The following TULP2 variants were observed in gnomAD, a reference collection of about 807,000 sequenced individuals.
TULP2 encodes the protein TUB like protein 2.
Under a neutral mutation model 60.3 loss-of-function variants are expected in TULP2, and 64 were observed. The observed-to-expected ratio is 1.06, with a 90% CI of 0.87 to 1.31. The LOEUF (loss-of-function observed/expected upper bound fraction) is 1.31, where lower values mean the gene tolerates loss of function less well. TULP2 is among the 50% of genes most tolerant of loss of function. TULP2 has a pLI of 0.00. For missense variants in TULP2, 652 were observed against 667.0 expected (o/e 0.98, Z 0.25); for synonymous variants, 267 against 265.4 (o/e 1.01, Z -0.06).
intron 6 of TULP2, 32 bp downstream of exon 6, chr19:48,894,966 C>A: frequency 1.3e-6 from 2 of 1,591,610 alleles, no homozygotes; most frequent in Non-Finnish European, 1.7e-6. Context: ...ACCAGGAGAT[C>A]CCAGGTTTCA....
intron 8 of TULP2, among the ~76,000 whole-genome samples, chr19:48,885,839 C>G (rs1297416696): frequency 6.6e-6 from 1 of 151,936 alleles, no homozygotes; most frequent in Non-Finnish European, 1.5e-5. Context: ...GAGCTGAGAT[C>G]GCACCACTGC....
chr19:48,894,484 T>C (rs1333914668), intron 6 of TULP2, among the ~76,000 whole-genome samples: 1 of 151,852 alleles, frequency 6.6e-6, no homozygotes, highest in Non-Finnish European at 1.5e-5. Flanking sequence ...TTACTAAAAA[T>C]ACAAAAATTA....
At chr19:48,883,630 C>T in intron 11 of TULP2, 124 bp downstream of exon 11, 2 of 980,638 alleles carry the variant, frequency 2.0e-6, no homozygotes, top group Non-Finnish European at 3.1e-6. Context: ...CTTCAGGCTT[C>T]ATGTGACACC....
intron 6 of TULP2, among the ~76,000 whole-genome samples, chr19:48,894,404 AG>A (rs1218620258): frequency 6.6e-6 from 1 of 152,008 alleles, no homozygotes; most frequent in African/African-American, 2.4e-5. Flanking sequence ...GCACTTTGGG[AG>A]GCTGAGGTGG....
chr19:48,888,286 T>A, intron 7 of TULP2, 25 bp from the exon 8 acceptor site: 1 of 1,560,076 alleles, frequency 6.4e-7, no homozygotes, highest in Non-Finnish European at 8.7e-7. Flanking sequence ...AAATTTAAAG[T>A]CGAGGGACAA....
intron 7 of TULP2, among the ~76,000 whole-genome samples, chr19:48,889,214 G>C (rs1600000638): frequency 6.6e-6 from 1 of 151,866 alleles, no homozygotes; most frequent in African/African-American, 2.4e-5. Flanking sequence ...GACCTCAAGT[G>C]ATCTGCCCAC....
chr19:48,895,863 G>A (rs957566711), intron 4 of TULP2, among the ~76,000 whole-genome samples: 8 of 152,040 alleles, frequency 5.3e-5, no homozygotes, highest in African/African-American at 1.7e-4. Flanking sequence ...TTGGCAACAA[G>A]AGCTAAACTC....
intron 7 of TULP2, 41 bp from the exon 8 acceptor site, chr19:48,888,302 G>T: frequency 6.5e-7 from 1 of 1,544,052 alleles, no homozygotes. Flanking sequence ...GACAACCACC[G>T]GCCCAGCCTT....
At chr19:48,881,973 C>T (rs1459854304) in intron 12 of TULP2, 59 bp downstream of exon 12, 10 of 1,609,628 alleles carry the variant, frequency 6.2e-6, no homozygotes, top group Middle Eastern at 3.3e-4. Context: ...AGTTCCCTTC[C>T]GTTCACACCC....
chr19:48,885,713 G>A (rs1231835440), intron 8 of TULP2, among the ~76,000 whole-genome samples, 153 bp from the exon 9 acceptor site: 2 of 151,518 alleles, frequency 1.3e-5, no homozygotes, highest in Non-Finnish European at 2.9e-5. Flanking sequence ...GTGAAACCCC[G>A]TCTCTACTAA....
chr19:48,894,889 T>C, intron 6 of TULP2, 109 bp downstream of exon 6: 1 of 1,383,694 alleles, frequency 7.2e-7, no homozygotes, highest in Non-Finnish European at 9.7e-7. Flanking sequence ...AATGGGTGAC[T>C]TGTATGGTTT....
rs781763330 is a variant in TULP2 at position 48,883,703 on chromosome 19, GC to G, written c.1275+50del. On this transcript the variant is annotated intron_variant, in intron 11 of 12. Coordinates refer to ENST00000221399, the MANE Select transcript of TULP2 (RefSeq NM_003323.3). ...CCTCCTCTGGGATCTAGGAGGACCGGCCCCAGCCCCTTCTCCATTGACCCAG... is the reference window on the plus strand; with the variant it reads ...CCTCCTCTGGGATCTAGGAGGACCGGCCCAGCCCCTTCTCCATTGACCCAG... 5.0e-6 allele frequency: 8 copies of G among 1,599,574 alleles called. No individual in the cohort carries two copies. In the Middle Eastern group the frequency reaches 7.6e-4, roughly 151 times the overall value.
At chr19:48,894,375 G>T (rs28877052) in intron 6 of TULP2, among the ~76,000 whole-genome samples, 31,104 of 151,868 alleles carry the variant, frequency 0.2, 4,336 homozygotes, top group African/African-American at 0.4. Context: ...AGGCATGATG[G>T]TTTATGCCTG....
At chr19:48,882,336 TG>T (rs368156597) in intron 11 of TULP2, 133 bp from the exon 12 acceptor site, 9 of 946,056 alleles carry the variant, frequency 9.5e-6, no homozygotes, top group African/African-American at 5.0e-5. Context: ...TGAGACCTGC[TG>T]GGCTGCGTTC....
At chr19:48,890,045 C>T (rs1410788828) in intron 6 of TULP2, among the ~76,000 whole-genome samples, 219 of 127,210 alleles carry the variant, frequency 1.7e-3, no homozygotes, top group East Asian at 6.6e-3. Flanking sequence ...TCCCCCAGCC[C>T]GACACCCGTA....
In TULP2 at chr19:48,884,029, G is replaced by A. The variant is rs147489964; in HGVS notation, c.1079C>T (p.Thr360Ile). The stretch of plus-strand genomic sequence containing the variant: ...CCCATTGTCAAAGATGGTGAACTTG[G>A]TGCTGAAGACATTGGATCTGCTCCA... ...VGKVRSNVFS[T>I]KFTIFDNGVN... The change falls in exon 10 of 13, where the codon ACC becomes ATC. Residue 360 changes from threonine (T) to isoleucine (I), a missense_variant. Thr to Ile is a moderately conservative substitution (Grantham distance 89, BLOSUM62 -1). Transcript: ENST00000221399. 1 of 1,613,992 alleles carries A rather than the reference G, an allele frequency of 6.2e-7. No homozygotes were observed. Among genetic ancestry groups the A allele is most frequent in the South Asian group, 1.1e-5 (1 of 91,086 alleles).
In TULP2 at chr19:48,885,511, T is replaced by C; in HGVS notation, c.998A>G (p.Tyr333Cys). 6.2e-7 allele frequency: 1 copy of C among 1,613,852 alleles called. No homozygotes were observed. The change falls in exon 9 of 13, where the codon TAC becomes TGC. Residue 333 changes from tyrosine to cysteine, a missense_variant. By Grantham distance (194) the Tyr-to-Cys change is radical (BLOSUM62 -2). Transcript: ENST00000221399. ...RKRRRSKTSNYLISLDPTHLS... is the reference protein window; with the variant it reads ...RKRRRSKTSNCLISLDPTHLS... ...GTGTGTAGGATCCAGGGAGATGAGG[T>C]AATTAGAAGTTTTGCTCCTTCTTCT...
chr19:48,881,988 C>T lies in TULP2; in HGVS notation c.1447+44G>A, dbSNP rs767445619. Reference sequence around the variant, plus strand: ...AGTTCCCTTCCGTTCACACCCTAACCCCCACCCCACCTGGCCCGGCTAAAC... The same window carrying T: ...AGTTCCCTTCCGTTCACACCCTAACTCCCACCCCACCTGGCCCGGCTAAAC... On this transcript the variant is annotated intron_variant, in intron 12 of 12. Coordinates refer to ENST00000221399, the MANE Select transcript of TULP2 (RefSeq NM_003323.3). The T allele has an allele frequency of 3.1e-6, 5 of 1,613,766 alleles. No homozygotes were observed. In the East Asian group the frequency reaches 1.1e-4, roughly 36 times the overall value.
At chr19:48,894,762 T>C (rs1388809031) in intron 6 of TULP2, among the ~76,000 whole-genome samples, 2 of 122,030 alleles carry the variant, frequency 1.6e-5, no homozygotes, top group Non-Finnish European at 4.2e-5. Flanking sequence ...TTTACACCAT[T>C]TTATATAAGG....
Sources: gnomAD v4.1 joint callset for allele counts (sites outside exome capture counted in the v4.1 genomes callset) on GRCh38, gnomAD v4.1.1 for gene constraint, MANE v1.5 for transcripts, NCBI Gene and HGNC (gene_info 2026-07-23, HGNC 2026-07-21) for gene names.